Variants in SH3BGRL2 observed in about 807,000 individuals in gnomAD.
SH3BGRL2 encodes the protein SH3 domain-binding glutamic acid-rich-like protein 2.
In SH3BGRL2, 21 loss-of-function variants were observed where a neutral mutation model predicts 14.8. The ratio of observed to expected loss-of-function variants is 1.42; its 90% CI spans 1.01 to 2.05. SH3BGRL2 has a LOEUF of 2.05. Among genes scored for constraint, SH3BGRL2 ranks in the 30% most tolerant of loss-of-function variants. The pLI is 0.00. For synonymous variants in SH3BGRL2, 50 were observed against 47.8 expected, an observed-to-expected ratio of 1.05 and a Z score of -0.19; for missense variants, 147 against 130.8, an observed-to-expected ratio of 1.12 and a Z score of -0.61.
chr6:79,595,177 T>G, the SH3BGRL2 span, among the ~76,000 whole-genome samples: 1 of 152,106 alleles, frequency 6.6e-6, no homozygotes, highest in Non-Finnish European at 1.5e-5. Flanking sequence ...TTCCAGCTAC[T>G]CGGGAGGCTG....
chr6:79,585,366 G>A, the SH3BGRL2 span, among the ~76,000 whole-genome samples: 3 of 151,804 alleles, frequency 2.0e-5, no homozygotes, highest in Non-Finnish European at 4.4e-5. Context: ...GCAAACTCTT[G>A]GAAAGTCAGA....
chr6:79,627,806 G>A (rs1161698129), upstream of SH3BGRL2, among the ~76,000 whole-genome samples: 1 of 151,968 alleles, frequency 6.6e-6, no homozygotes, highest in Non-Finnish European at 1.5e-5. Flanking sequence ...AAAATAATAG[G>A]CTTCTGTAGA....
chr6:79,627,270 A>AT (rs1768751330), upstream of SH3BGRL2, among the ~76,000 whole-genome samples: 2 of 152,150 alleles, frequency 1.3e-5, no homozygotes. Context: ...ACCTGCATGT[A>AT]TTTTCCGACC....
the SH3BGRL2 span, among the ~76,000 whole-genome samples, chr6:79,605,471 A>T: frequency 5.3e-5 from 8 of 152,190 alleles, no homozygotes; most frequent in Admixed American, 5.2e-4. Flanking sequence ...GGAACTATTT[A>T]GACAAAGATT....
the SH3BGRL2 span, among the ~76,000 whole-genome samples, chr6:79,613,854 T>G: frequency 6.6e-6 from 1 of 152,164 alleles, no homozygotes; most frequent in African/African-American, 2.4e-5. Flanking sequence ...GTGATCCGCC[T>G]GCCCAGGCCT....
the SH3BGRL2 span, among the ~76,000 whole-genome samples, chr6:79,623,969 A>G: frequency 6.6e-6 from 1 of 152,200 alleles, no homozygotes; most frequent in African/African-American, 2.4e-5. Flanking sequence ...TGCCTAGCAT[A>G]ATGAGAAATT....
intron 1 of SH3BGRL2, among the ~76,000 whole-genome samples, chr6:79,640,480 C>T (rs1056253238): frequency 1.3e-5 from 2 of 152,198 alleles, no homozygotes; most frequent in African/African-American, 4.8e-5. Context: ...CCCCACCTCC[C>T]TACAAACTTA....
the SH3BGRL2 span, among the ~76,000 whole-genome samples, chr6:79,570,976 A>G: frequency 7.2e-5 from 11 of 152,232 alleles, no homozygotes; most frequent in Non-Finnish European, 1.0e-4. Flanking sequence ...TGGAAGAACA[A>G]ATTGAAAATA....
Position 79,690,007 on chromosome 6 carries a change from C to T in SH3BGRL2, c.232-6478C>T, listed in dbSNP as rs1770177498. ...TTTTTGTTTTTGTTTTGACATAGGC[C>T]CTCCGTCACTCTGTCACCCATGCAG... On this transcript the variant is annotated intron_variant, in intron 2 of 3. Coordinates refer to ENST00000369838, the MANE Select transcript of SH3BGRL2 (RefSeq NM_031469.4). Among the ~76,000 whole-genome samples, 3 of 151,960 alleles carry T rather than the reference C, an allele frequency of 2.0e-5. No homozygotes were observed. In the South Asian group the frequency reaches 6.3e-4, roughly 32 times the overall value.
the SH3BGRL2 span, among the ~76,000 whole-genome samples, chr6:79,569,859 T>A: frequency 6.6e-6 from 1 of 152,308 alleles, no homozygotes; most frequent in South Asian, 2.1e-4. Flanking sequence ...TCTGCTTGGT[T>A]CCAATTACTG....
chr6:79,668,602 G>A (rs1474442540), intron 1 of SH3BGRL2, among the ~76,000 whole-genome samples: 1 of 151,878 alleles, frequency 6.6e-6, no homozygotes, highest in African/African-American at 2.4e-5. Context: ...GAAGTTAGTG[G>A]GGGGGAGTGG....
chr6:79,552,104 A>T, the SH3BGRL2 span, among the ~76,000 whole-genome samples: 1 of 152,006 alleles, frequency 6.6e-6, no homozygotes, highest in African/African-American at 2.4e-5. Flanking sequence ...AAACAAAAGT[A>T]TTTTCAGGAC....
the SH3BGRL2 span, among the ~76,000 whole-genome samples, chr6:79,567,862 A>G: frequency 2.6e-5 from 4 of 152,204 alleles, no homozygotes; most frequent in Admixed American, 6.5e-5. Flanking sequence ...AGAATAAAAT[A>G]TTAGTATTCT....
At chr6:79,668,834 C>CA in intron 1 of SH3BGRL2, among the ~76,000 whole-genome samples, 1 of 152,220 alleles carries the variant, frequency 6.6e-6, no homozygotes. Flanking sequence ...CAGTCACTGT[C>CA]AGAGTTAGAA....
chr6:79,616,338 C>T, the SH3BGRL2 span, among the ~76,000 whole-genome samples: 4 of 152,062 alleles, frequency 2.6e-5, no homozygotes, highest in South Asian at 2.1e-4. Flanking sequence ...ATTTTTAATA[C>T]GTGCCCATAT....
chr6:79,641,150 T>TTTTG (rs1187114250), intron 1 of SH3BGRL2, among the ~76,000 whole-genome samples: 1 of 141,312 alleles, frequency 7.1e-6, no homozygotes, highest in African/African-American at 2.7e-5. Context: ...TCTCACCCTT[T>TTTTG]TGTGTGTGTG....
At chr6:79,584,843 A>G in the SH3BGRL2 span, among the ~76,000 whole-genome samples, 2,749 of 152,264 alleles carry the variant, frequency 0.018, 81 homozygotes, top group African/African-American at 0.062. Flanking sequence ...GAATCTGTCA[A>G]TGTTTTAAAT....
chr6:79,543,267 T>C, the SH3BGRL2 span, among the ~76,000 whole-genome samples: 1 of 152,260 alleles, frequency 6.6e-6, no homozygotes, highest in Non-Finnish European at 1.5e-5. Context: ...TTCACCTTTT[T>C]TTGTACTAAC....
chr6:79,665,155 G>A (rs920981138), intron 1 of SH3BGRL2, among the ~76,000 whole-genome samples: 1 of 152,130 alleles, frequency 6.6e-6, no homozygotes, highest in Non-Finnish European at 1.5e-5. Context: ...AGCTGAGATC[G>A]AGCCACTGCA....
Sources: allele counts gnomAD v4.1 joint callset (sites outside exome capture counted in the v4.1 genomes callset), GRCh38; gene constraint gnomAD v4.1.1; transcripts MANE v1.5; gene names NCBI Gene and HGNC (gene_info 2026-07-23, HGNC 2026-07-21).